Variants in YTHDF1 observed in about 807,000 individuals in gnomAD.
YTHDF1 encodes the protein YTH domain-containing family protein 1.
In YTHDF1, 16 loss-of-function variants were observed where a neutral mutation model predicts 49.1. The ratio of observed to expected loss-of-function variants is 0.33; its 90% CI spans 0.22 to 0.49. The LOEUF (loss-of-function observed/expected upper bound fraction) is 0.49, where lower values mean the gene tolerates loss of function less well. YTHDF1 is among the 20% of genes least tolerant of loss of function. The pLI, the probability that YTHDF1 is intolerant of heterozygous loss-of-function variation, is 0.99. For synonymous variants in YTHDF1, 313 were observed against 290.1 expected (o/e 1.08, Z -0.80); for missense variants, 621 against 744.3 (o/e 0.83, Z 1.93).
intron 3 of YTHDF1, among the ~76,000 whole-genome samples, chr20:63,209,145 G>A (rs1458842695): frequency 6.6e-6 from 1 of 152,264 alleles, no homozygotes; most frequent in Non-Finnish European, 1.5e-5. Context: ...AGCACTTACG[G>A]TGAATGGAGC....
chr20:63,196,762 C>T (rs1410042316), intron 4 of YTHDF1, 28 bp from the exon 5 acceptor site: 17 of 1,613,476 alleles, frequency 1.1e-5, no homozygotes, highest in South Asian at 6.6e-5. Flanking sequence ...AAAAGTTGAA[C>T]GCAGAGTAAC....
intron 4 of YTHDF1, among the ~76,000 whole-genome samples, chr20:63,200,964 G>C (rs766416809): frequency 6.6e-6 from 1 of 151,534 alleles, no homozygotes; most frequent in Non-Finnish European, 1.5e-5. Context: ...ACAATCACTC[G>C]AACCCAGGAG....
chr20:63,204,502 T>G (rs1275110781), intron 3 of YTHDF1, among the ~76,000 whole-genome samples: 1 of 152,208 alleles, frequency 6.6e-6, no homozygotes, highest in Non-Finnish European at 1.5e-5. Context: ...GTTGGGCTCT[T>G]GCAGTAGGCC....
chr20:63,203,344 G>A lies in YTHDF1; in HGVS notation c.596C>T (p.Ala199Val), dbSNP rs2066528522. The change falls in exon 4 of 5, where the codon GCC (alanine) becomes GTC (valine). Residue 199 changes from alanine (A) to valine (V), a missense_variant. Physicochemically the swap from Ala to Val is moderately conservative, Grantham distance 64. Around this residue, in one of 2 missense-constraint regions of YTHDF1, gnomAD observed 470 missense variants for 495.8 expected, o/e 0.95. Transcript: ENST00000370339. The surrounding 1 kb of genome is among the most constrained non-coding windows in gnomAD (Gnocchi z 4.4). ...GLKIGDVSSS[A>V]VKTVGSVVSS... ...GACGACAGAGCCCACCGTCTTGACG[G>A]CGGAGGAGCTGACGTCCCCAATCTT... 6.2e-7 allele frequency: 1 copy of A among 1,613,152 alleles called. No homozygotes were observed. The highest frequency in any genetic ancestry group is 1.1e-5 in the South Asian group (1 of 91,076).
intron 3 of YTHDF1, among the ~76,000 whole-genome samples, chr20:63,210,845 C>T (rs1010269141): frequency 2.0e-4 from 30 of 152,100 alleles, no homozygotes; most frequent in African/African-American, 6.0e-4. Flanking sequence ...GAGCCCTTCA[C>T]TCCCAGTTCC....
chr20:63,215,536 T>C (rs747585359), intron 2 of YTHDF1, 41 bp downstream of exon 2: 26 of 1,613,326 alleles, frequency 1.6e-5, no homozygotes, highest in Admixed American at 6.7e-5. Context: ...CCCGTCCTCC[T>C]CCACTCCAGC....
At chr20:63,204,911 G>A (rs11906847) in intron 3 of YTHDF1, among the ~76,000 whole-genome samples, 45,717 of 151,388 alleles carry the variant, frequency 0.3, 6,855 homozygotes, top group Middle Eastern at 0.42. Flanking sequence ...ATGTGTGTGC[G>A]CACACACACC....
chr20:63,213,990 A>G lies in YTHDF1; in HGVS notation c.53-47T>C, dbSNP rs1243082859. ...TATTACCCTCAAATTTTAAAAGATT[A>G]CTTTTAAGCTTGGAAGGCAAAGTTA... On this transcript the variant is annotated intron_variant, in intron 2 of 4. Coordinates refer to ENST00000370339, the MANE Select transcript of YTHDF1 (RefSeq NM_017798.4). 5 of 1,550,360 alleles carry G rather than the reference A, an allele frequency of 3.2e-6. No homozygotes were observed. The South Asian group carries it at 6.0e-5, about 19-fold the overall frequency.
chr20:63,200,649 G>A (rs1361455914), intron 4 of YTHDF1, among the ~76,000 whole-genome samples: 8 of 152,068 alleles, frequency 5.3e-5, no homozygotes, highest in Non-Finnish European at 8.8e-5. Flanking sequence ...CCCATAACCC[G>A]ACACACAAAA....
chr20:63,216,037 G>A lies in YTHDF1; in HGVS notation c.-145C>T, dbSNP rs1457015361. The A allele has an allele frequency of 1.6e-6, 1 of 613,878 alleles. No homozygotes were observed. Among genetic ancestry groups the A allele is most frequent in the Non-Finnish European group, 2.0e-6 (1 of 491,612 alleles). The allele number at this position is 613,878 out of a possible 1,614,324, so 38.0% of individuals were successfully genotyped here. A position where few individuals can be genotyped will look rare whatever the true frequency, so the allele number is the denominator to read the frequency against. Reference sequence around the variant, plus strand: ...GGCCGGGCGGCGGCGGCGGCTGCTGGGCGCGCGGGCCCCTGGCGAGGCGGC... The same window carrying A: ...GGCCGGGCGGCGGCGGCGGCTGCTGAGCGCGCGGGCCCCTGGCGAGGCGGC... On this transcript the variant is annotated 5_prime_UTR_variant, in exon 1 of 5. Transcript: ENST00000370339.
rs756532410 is a variant in YTHDF1, at chr20:63,203,357, C to A, written c.583G>T (p.Val195Phe). 2 of 1,612,960 alleles carry A rather than the reference C, an allele frequency of 1.2e-6. No homozygotes were observed. The highest frequency in any genetic ancestry group is 1.7e-5 in the Admixed American group (1 of 59,978). ...QGMVGLKIGD[V>F]SSSAVKTVGS... ...ACCGTCTTGACGGCGGAGGAGCTGA[C>A]GTCCCCAATCTTCAGGCCAACCATG... is the stretch of plus-strand genomic sequence containing the variant. Residue 195 changes from valine to phenylalanine, a missense_variant, in exon 4 of 5, where the codon GTC (valine) becomes TTC (phenylalanine). By Grantham distance (50) the Val-to-Phe change is conservative (BLOSUM62 -1). Coordinates refer to ENST00000370339, the MANE Select transcript of YTHDF1 (RefSeq NM_017798.4). The surrounding 1 kb of genome is among the most constrained non-coding windows in gnomAD (Gnocchi z 4.4).
At chr20:63,208,122 T>C (rs1413774054) in intron 3 of YTHDF1, among the ~76,000 whole-genome samples, 2 of 152,092 alleles carry the variant, frequency 1.3e-5, no homozygotes, top group Non-Finnish European at 2.9e-5. Flanking sequence ...GTTCAATGGT[T>C]AAGTTTACTT....
chr20:63,213,753 T>C lies in YTHDF1; in HGVS notation c.132+111A>G, dbSNP rs150485239. 158 of 959,588 alleles carry C rather than the reference T, an allele frequency of 1.6e-4. 1 individual carries two copies. In the East Asian group the frequency reaches 3.4e-3, roughly 20 times the overall value. The allele number at this position is 959,588 out of a possible 1,614,324, so 59.4% of individuals were successfully genotyped here. ...GCAGTCTATCATTCCTAATACTTTA[T>C]AGTCTGCTGCTTTGTTGTTTAGGAT... is the stretch of plus-strand genomic sequence containing the variant. On this transcript the variant is annotated intron_variant, in intron 3 of 4. Transcript: ENST00000370339.
chr20:63,203,890 G>A lies in YTHDF1; in HGVS notation c.133-83C>T, dbSNP rs2122979407. The A allele has an allele frequency of 5.0e-6, 7 of 1,386,808 alleles. No homozygotes were observed. The highest frequency in any genetic ancestry group is 6.8e-6 in the Non-Finnish European group (7 of 1,034,160). The allele number at this position is 1,386,808 out of a possible 1,614,324, so 85.9% of individuals were successfully genotyped here. ...CCAACCGCCTCTTGCTTAAGCACAG[G>A]TGGAGCAAAAACAAAACCTGCACAG... On this transcript the variant is annotated intron_variant, in intron 3 of 4. Coordinates refer to ENST00000370339, the MANE Select transcript of YTHDF1 (RefSeq NM_017798.4). This position sits in a 1 kb window ranked among gnomAD's most constrained non-coding sequence, Gnocchi z 4.4.
Position 63,196,411 on chromosome 20 carries a change from AC to A in YTHDF1, c.*296del, listed in dbSNP as rs2066492690. The A allele has an allele frequency of 1.1e-5, 3 of 273,022 alleles. No homozygotes were observed. The highest frequency in any genetic ancestry group is 2.1e-5 in the Non-Finnish European group (3 of 146,088). The allele number at this position is 273,022 out of a possible 1,614,324, so 16.9% of individuals were successfully genotyped here. On this transcript the variant is annotated 3_prime_UTR_variant, in exon 5 of 5. Transcript: ENST00000370339. ...ATATCAAATGACTGAATTTAAGAACACAATTTCTGCCAAAATAGATGCTTTG... is the reference window on the plus strand; with the variant it reads ...ATATCAAATGACTGAATTTAAGAACAAATTTCTGCCAAAATAGATGCTTTG...
chr20:63,207,097 C>T (rs2066550236), intron 3 of YTHDF1, among the ~76,000 whole-genome samples: 1 of 152,260 alleles, frequency 6.6e-6, no homozygotes, highest in African/African-American at 2.4e-5. Flanking sequence ...GCGAGCTGTG[C>T]TGCTCCCTCA....
At chr20:63,199,804 A>G (rs1321029392) in intron 4 of YTHDF1, among the ~76,000 whole-genome samples, 2 of 150,802 alleles carry the variant, frequency 1.3e-5, no homozygotes, top group Non-Finnish European at 3.0e-5. Context: ...CATTCCTATA[A>G]TCCCAGCACT....
In YTHDF1 at chr20:63,215,531, C is replaced by T. The variant is rs772461917; in HGVS notation, c.52+46G>A. 17 of 1,613,122 alleles carry T rather than the reference C, an allele frequency of 1.1e-5. 1 individual carries two copies. The Admixed American group carries it at 2.8e-4, about 27-fold the overall frequency. ...GCTTCCTGGACCGTTCCTTCCCCGT[C>T]CTCCTCCACTCCAGCCCGCGCCGGC... On this transcript the variant is annotated intron_variant, in intron 2 of 4. Transcript: ENST00000370339.
In YTHDF1 at chr20:63,208,064, T is replaced by TA. The variant is rs1335186870; in HGVS notation, c.133-4258dup. Among the ~76,000 whole-genome samples, 5 of 151,624 alleles carry TA rather than the reference T, an allele frequency of 3.3e-5. No individual in the cohort carries two copies. The South Asian group carries it at 8.3e-4, about 25-fold the overall frequency. On this transcript the variant is annotated intron_variant, in intron 3 of 4. Transcript: ENST00000370339. ...CATATTTACTCAAATTTAACCACAT[T>TA]AAAAAAAAGAAACTTCCATCCGAAT...
Sources: gnomAD v4.1 joint callset for allele counts (sites outside exome capture counted in the v4.1 genomes callset) on GRCh38, gnomAD v4.1.1 for gene constraint, gnomAD v4.1.1 regional missense constraint, Gnocchi (gnomAD v3.1) non-coding constraint, MANE v1.5 for transcripts, NCBI Gene and HGNC (gene_info 2026-07-23, HGNC 2026-07-21) for gene names.